The following HRH1 variants were observed in gnomAD, a reference collection of about 807,000 sequenced individuals.
HRH1 encodes the protein histamine receptor H1.
A neutral mutation model predicts 10.3 loss-of-function variants in HRH1; 6 were observed. The observed-to-expected ratio is 0.58, with a 90% CI of 0.32 to 1.15. The LOEUF (loss-of-function observed/expected upper bound fraction) is 1.15. HRH1 is among the 50% of genes most tolerant of loss of function. HRH1 has a pLI of 0.05. For missense variants in HRH1, 514 were observed against 615.3 expected (o/e 0.84, Z 1.74); for synonymous variants, 242 against 236.7 (o/e 1.02, Z -0.21).
intron 1 of HRH1, among the ~76,000 whole-genome samples, chr3:11,217,240 CA>C (rs1312396185): frequency 6.7e-6 from 1 of 148,654 alleles, no homozygotes; most frequent in Non-Finnish European, 1.5e-5. Flanking sequence ...GAAAGAAAAA[CA>C]AAGTGGGGCC....
intron 1 of HRH1, among the ~76,000 whole-genome samples, chr3:11,198,082 A>G (rs567573566): frequency 6.6e-6 from 1 of 152,012 alleles, no homozygotes; most frequent in African/African-American, 2.4e-5. Flanking sequence ...TCAGTCATCT[A>G]CCTCCTTTCA....
At chr3:11,178,400 G>T (rs1266337912) in intron 1 of HRH1, among the ~76,000 whole-genome samples, 1 of 152,200 alleles carries the variant, frequency 6.6e-6, no homozygotes, top group African/African-American at 2.4e-5. Flanking sequence ...TCCCCGTTGG[G>T]TGCCTGGAGG....
intron 1 of HRH1, among the ~76,000 whole-genome samples, chr3:11,207,905 G>A (rs1239060298): frequency 1.3e-5 from 2 of 152,188 alleles, no homozygotes; most frequent in South Asian, 2.1e-4. Context: ...CAGGAAGGGC[G>A]GGCGTCATTG....
intron 1 of HRH1, among the ~76,000 whole-genome samples, chr3:11,193,437 G>T (rs1937586995): frequency 6.6e-6 from 1 of 152,106 alleles, no homozygotes; most frequent in East Asian, 1.9e-4. Context: ...AAACTAGGTG[G>T]CTTATAAACG....
At chr3:11,257,403 CA>C (rs898572926) in intron 1 of HRH1, among the ~76,000 whole-genome samples, 4 of 150,622 alleles carry the variant, frequency 2.7e-5, no homozygotes, top group Non-Finnish European at 4.4e-5. Flanking sequence ...TAAAAAAATA[CA>C]AAAAAAATAG....
At chr3:11,172,720 T>TTTTTTTTTTA (rs58975059) in intron 1 of HRH1, among the ~76,000 whole-genome samples, 2 of 148,164 alleles carry the variant, frequency 1.3e-5, no homozygotes, top group Non-Finnish European at 1.5e-5. Flanking sequence ...TTTTTTTTTT[T>TTTTTTTTTTA]GAGATGGAGT....
intron 1 of HRH1, among the ~76,000 whole-genome samples, chr3:11,176,227 A>T (rs972902144): frequency 1.3e-5 from 2 of 152,020 alleles, no homozygotes; most frequent in Non-Finnish European, 2.9e-5. Flanking sequence ...GAGTTTTTGC[A>T]TTTACAGGTA....
At chr3:11,179,937 A>G (rs548057573) in intron 1 of HRH1, among the ~76,000 whole-genome samples, 98 of 151,668 alleles carry the variant, frequency 6.5e-4, no homozygotes, top group African/African-American at 2.3e-3. Flanking sequence ...TGTCTGGCTA[A>G]TTTTTTGTAG....
chr3:11,170,700 C>T (rs911878221), intron 1 of HRH1, among the ~76,000 whole-genome samples: 1 of 152,220 alleles, frequency 6.6e-6, no homozygotes, highest in Non-Finnish European at 1.5e-5. Context: ...ACACAGAAGT[C>T]GGCAGGGAGC....
intron 1 of HRH1, among the ~76,000 whole-genome samples, chr3:11,164,143 C>T (rs1467855640): frequency 6.6e-6 from 1 of 152,170 alleles, no homozygotes; most frequent in African/African-American, 2.4e-5. Flanking sequence ...GGAGAACAGC[C>T]AGGTATAGGG....
intron 1 of HRH1, among the ~76,000 whole-genome samples, chr3:11,257,526 C>T (rs556273993): frequency 6.6e-6 from 1 of 151,088 alleles, no homozygotes; most frequent in South Asian, 2.1e-4. Context: ...TGCCATTGCA[C>T]TCCAGTCTGG....
At chr3:11,230,615 C>A (rs1452114850) in intron 1 of HRH1, among the ~76,000 whole-genome samples, 1 of 152,192 alleles carries the variant, frequency 6.6e-6, no homozygotes, top group Non-Finnish European at 1.5e-5. Flanking sequence ...TCTGGCCCTA[C>A]CTCAGACCTC....
At chr3:11,180,739 C>A (rs936980989) in intron 1 of HRH1, among the ~76,000 whole-genome samples, 5 of 111,672 alleles carry the variant, frequency 4.5e-5, no homozygotes, top group Non-Finnish European at 1.0e-4. Flanking sequence ...TGTCACTTAG[C>A]ATAATGTTTT....
intron 1 of HRH1, among the ~76,000 whole-genome samples, chr3:11,190,365 A>ATT (rs1203867752): frequency 7.5e-5 from 10 of 133,038 alleles, no homozygotes; most frequent in South Asian, 4.8e-4. Context: ...ATATATATAT[A>ATT]TTTTTTAATT....
chr3:11,260,239 A>G lies in HRH1; in HGVS notation c.1202A>G (p.Tyr401Cys), dbSNP rs747827655. ...AGGCTCCGCTCGCATTCAAGACAGT[A>G]TGTATCTGGGTTGCACATGAACCGC... ...WKRLRSHSRQYVSGLHMNRER... is the reference protein window; with the variant it reads ...WKRLRSHSRQCVSGLHMNRER... The change falls in exon 2 of 2, where the codon TAT becomes TGT. Residue 401 changes from tyrosine (Y) to cysteine (C), a missense_variant. Transcript: ENST00000431010. 4 of 1,614,186 alleles carry G rather than the reference A, an allele frequency of 2.5e-6. No homozygotes were observed. In the South Asian group the frequency reaches 3.3e-5, roughly 13 times the overall value.
intron 1 of HRH1, among the ~76,000 whole-genome samples, chr3:11,161,830 G>T (rs548866080): frequency 6.6e-6 from 1 of 152,188 alleles, no homozygotes; most frequent in South Asian, 2.1e-4. Flanking sequence ...AACAAGCCAG[G>T]AACTCAAGAT....
intron 1 of HRH1, among the ~76,000 whole-genome samples, chr3:11,199,590 G>A (rs1279050608): frequency 2.0e-5 from 3 of 152,160 alleles, no homozygotes; most frequent in Admixed American, 6.5e-5. Flanking sequence ...CCTGCATGTT[G>A]TAATTGCCTG....
At chr3:11,153,248 G>A (rs1056893525), upstream of HRH1, among the ~76,000 whole-genome samples, 1 of 152,044 alleles carries the variant, frequency 6.6e-6, no homozygotes, top group African/African-American at 2.4e-5. Flanking sequence ...TACCTACTAG[G>A]ACCTATTATT....
chr3:11,189,854 G>A lies in HRH1; in HGVS notation c.-36+35300G>A, dbSNP rs185014323. Among the ~76,000 whole-genome samples, 566 of 152,264 alleles carry A rather than the reference G, an allele frequency of 3.7e-3. 1 individual carries two copies. The highest frequency in any genetic ancestry group is 0.014 in the Middle Eastern group (4 of 294). ...AATCCCAGCTACTCGGGAGGCTGAG[G>A]CACAAGAATCGCTTCAACCCAGGAA... On this transcript the variant is annotated intron_variant, in intron 1 of 1. Transcript: ENST00000431010.
Sources: allele counts gnomAD v4.1 joint callset (sites outside exome capture counted in the v4.1 genomes callset), GRCh38; gene constraint gnomAD v4.1.1; transcripts MANE v1.5; gene names NCBI Gene and HGNC (gene_info 2026-07-23, HGNC 2026-07-21).